VAV2: variants seen among roughly 807,000 people sequenced by gnomAD.
VAV2 encodes vav guanine nucleotide exchange factor 2, also known as guanine nucleotide exchange factor VAV2.
VAV2 carries 67 observed loss-of-function variants against 132.5 expected under a neutral mutation model. The observed-to-expected ratio is 0.51, with a 90% confidence interval of 0.42 to 0.62. VAV2 has a LOEUF of 0.62. Ranked by LOEUF, VAV2 falls within the 20% of genes least tolerant of loss-of-function variation. The pLI, the probability that VAV2 is intolerant of heterozygous loss-of-function variation, is 0.00. For missense variants in VAV2, 938 were observed against 1,153.6 expected, an observed-to-expected ratio of 0.81 and a Z score of 2.71; for synonymous variants, 492 against 443.5, an observed-to-expected ratio of 1.11 and a Z score of -1.37.
intron 19 of VAV2, among the ~76,000 whole-genome samples, chr9:133,782,137 A>G (rs1248504644): frequency 6.6e-6 from 1 of 152,182 alleles, no homozygotes; most frequent in African/African-American, 2.4e-5. Flanking sequence ...AGATTACAAA[A>G]AAAGAAAACT....
intron 4 of VAV2, among the ~76,000 whole-genome samples, chr9:133,827,293 CTGAGTGG>C (rs71929339): frequency 0.059 from 1,077 of 18,294 alleles, 69 homozygotes; most frequent in Admixed American, 0.11. Context: ...AGGCTGACCA[CTGAGTGG>C]GGGCATCGCC....
chr9:133,970,372 C>T (rs1004493980), intron 1 of VAV2, among the ~76,000 whole-genome samples: 7 of 152,330 alleles, frequency 4.6e-5, no homozygotes, highest in Middle Eastern at 3.4e-3. Context: ...GATGGCACCA[C>T]GTTCGGTGCT....
intron 1 of VAV2, among the ~76,000 whole-genome samples, chr9:133,985,547 G>C (rs1402859931): frequency 6.6e-6 from 1 of 152,128 alleles, no homozygotes; most frequent in Non-Finnish European, 1.5e-5. Context: ...CTCCCAAAGT[G>C]CTGGGACTGC....
intron 3 of VAV2, among the ~76,000 whole-genome samples, chr9:133,852,472 A>G (rs1370639211): frequency 2.0e-5 from 3 of 152,112 alleles, no homozygotes; most frequent in Non-Finnish European, 4.4e-5. Flanking sequence ...CCATTAGATG[A>G]GCCAGAGAAG....
At chr9:133,778,529 A>G (rs1833895263) in intron 22 of VAV2, among the ~76,000 whole-genome samples, 1 of 152,188 alleles carries the variant, frequency 6.6e-6, no homozygotes, top group African/African-American at 2.4e-5. Flanking sequence ...CTACCATGTC[A>G]AAGCAAACAC....
At chr9:133,792,505 TGCGTGTGATTGG>T (rs1189803578) in intron 12 of VAV2, among the ~76,000 whole-genome samples, 1 of 143,788 alleles carries the variant, frequency 7.0e-6, no homozygotes, top group Non-Finnish European at 1.5e-5. Context: ...CTGAGTGGGG[TGCGTGTGATTGG>T]GTGTGTGTTA....
chr9:133,775,124 C>T lies in VAV2; in HGVS notation c.2019-73G>A, dbSNP rs897191982. ...TCTGAGGGGTGCCCAGCCCTCCGTGCGTGGCAGGCCACATGAAGTACTCTG... is the reference window on the plus strand; with the variant it reads ...TCTGAGGGGTGCCCAGCCCTCCGTGTGTGGCAGGCCACATGAAGTACTCTG... On this transcript the variant is annotated intron_variant, in intron 24 of 29. Transcript: ENST00000371850. 33 of 1,284,422 alleles carry T rather than the reference C, an allele frequency of 2.6e-5. No individual in the cohort carries two copies. The East Asian group carries it at 5.4e-4, about 21-fold the overall frequency. 79.6% of individuals were successfully genotyped at this position (1,284,422 alleles called of 1,614,324 possible).
At chr9:133,959,381 G>A (rs1841893961) in intron 1 of VAV2, among the ~76,000 whole-genome samples, 1 of 152,108 alleles carries the variant, frequency 6.6e-6, no homozygotes. Context: ...CCAAGCTCCT[G>A]CCCACCCTCT....
intron 12 of VAV2, among the ~76,000 whole-genome samples, chr9:133,795,156 A>G (rs1326313970): frequency 6.6e-6 from 1 of 152,176 alleles, no homozygotes; most frequent in Admixed American, 6.5e-5. Context: ...GGGCAGAGGG[A>G]GCCACGGAAG....
intron 4 of VAV2, among the ~76,000 whole-genome samples, chr9:133,819,626 C>T (rs1835708386): frequency 6.6e-6 from 1 of 152,200 alleles, no homozygotes; most frequent in Admixed American, 6.5e-5. Context: ...TCACCCGGTT[C>T]TGCCTGCCAC....
intron 5 of VAV2, 127 bp from the exon 6 acceptor site, chr9:133,810,332 G>A (rs1835312897): frequency 6.2e-6 from 9 of 1,463,142 alleles, no homozygotes; most frequent in South Asian, 3.7e-5. Context: ...GCCACATCAC[G>A]GCCCCTCGTG....
rs575928430 is a variant in VAV2, at chr9:133,822,916, C to T, written c.450-10700G>A. ...TATGTGAGGCATGCTGTGTGACCTCCGGCAAGTCACCTACCCTCTCTGAGC... is the reference window on the plus strand; with the variant it reads ...TATGTGAGGCATGCTGTGTGACCTCTGGCAAGTCACCTACCCTCTCTGAGC... On this transcript the variant is annotated intron_variant, in intron 4 of 29. Transcript: ENST00000371850. 4.0e-4 allele frequency among the ~76,000 whole-genome samples: 61 copies of T among 152,278 alleles called. No individual in the cohort carries two copies. The South Asian group carries it at 9.3e-3, about 23-fold the overall frequency.
intron 4 of VAV2, among the ~76,000 whole-genome samples, chr9:133,819,102 G>A (rs7042529): frequency 0.23 from 35,242 of 151,664 alleles, 5,337 homozygotes; most frequent in African/African-American, 0.43. Context: ...TCCTTCACAC[G>A]GGCTCATTCT....
intron 3 of VAV2, among the ~76,000 whole-genome samples, chr9:133,844,378 C>T (rs1295917872): frequency 6.6e-6 from 1 of 152,186 alleles, no homozygotes; most frequent in South Asian, 2.1e-4. Context: ...AGCCCTCTTC[C>T]CAGGGAACAC....
chr9:133,828,412 A>G (rs620986), intron 4 of VAV2, among the ~76,000 whole-genome samples: 37 of 3,220 alleles, frequency 0.011, 14 homozygotes, highest in East Asian at 0.018. Context: ...TGGGGGCATC[A>G]CCACCTACCG....
intron 2 of VAV2, among the ~76,000 whole-genome samples, chr9:133,892,782 G>A (rs530908075): frequency 3.3e-5 from 5 of 152,176 alleles, no homozygotes; most frequent in Admixed American, 3.3e-4. Flanking sequence ...GGCGAATCCG[G>A]GCCAGGCTTC....
intron 29 of VAV2, 148 bp from the exon 30 acceptor site, chr9:133,764,257 A>G (rs1437790547): frequency 4.1e-6 from 4 of 985,932 alleles, no homozygotes; most frequent in Non-Finnish European, 6.0e-6. Context: ...ACCTGGTGGA[A>G]CCATTGCCTG....
rs1265419167 is a variant in VAV2, at chr9:133,788,962, TG to T, written c.1274+295del. 5.9e-5 allele frequency among the ~76,000 whole-genome samples: 9 copies of T among 152,228 alleles called. No homozygotes were observed. The highest frequency in any genetic ancestry group is 1.2e-4 in the Non-Finnish European group (8 of 68,036). On this transcript the variant is annotated intron_variant, in intron 14 of 29. Transcript: ENST00000371850. This position sits in a 1 kb window ranked among gnomAD's most constrained non-coding sequence, Gnocchi z 5.3. ...TGGCAAAGAGCCCATCCGACCACTC[TG>T]GGCCTGTCTTGGGTTCCTGGAGGCT...
intron 9 of VAV2, 30 bp from the exon 10 acceptor site, chr9:133,797,839 A>C (rs1834781851): frequency 6.2e-7 from 1 of 1,605,332 alleles, no homozygotes; most frequent in Non-Finnish European, 8.5e-7. Flanking sequence ...GCACACACGC[A>C]CACAGATTTA....
Sources: gnomAD v4.1 joint callset for allele counts (sites outside exome capture counted in the v4.1 genomes callset) on GRCh38, gnomAD v4.1.1 for gene constraint, Gnocchi (gnomAD v3.1) non-coding constraint, MANE v1.5 for transcripts, NCBI Gene and HGNC (gene_info 2026-07-23, HGNC 2026-07-21) for gene names.